CAMTA1: variants seen among roughly 807,000 people sequenced by gnomAD.
CAMTA1 encodes calmodulin binding transcription activator 1, also known as calmodulin-binding transcription activator 1.
Under a neutral mutation model 170.9 loss-of-function variants are expected in CAMTA1, and 27 were observed. The observed-to-expected ratio is 0.16, with a 90% CI of 0.12 to 0.22. CAMTA1 has a LOEUF of 0.22. Among genes scored for constraint, CAMTA1 ranks in the 10% least tolerant of loss-of-function variants. The pLI is 1.00. For synonymous variants in CAMTA1, 833 were observed against 891.5 expected (o/e 0.93, Z 1.17); for missense variants, 1,619 against 2,217.2 (o/e 0.73, Z 5.42).
intron 3 of CAMTA1, among the ~76,000 whole-genome samples, chr1:7,009,501 A>G (rs1699487078): frequency 6.6e-6 from 1 of 152,172 alleles, no homozygotes; most frequent in South Asian, 2.1e-4. Context: ...CATCTGATGC[A>G]TCTGCACTGC....
chr1:6,959,515 T>C (rs1200464967), intron 3 of CAMTA1, among the ~76,000 whole-genome samples: 6 of 152,074 alleles, frequency 3.9e-5, no homozygotes, highest in Non-Finnish European at 7.4e-5. Flanking sequence ...CAGGGGATGG[T>C]GGGGCCGCAA....
At chr1:7,574,839 T>C (rs1183105706) in intron 6 of CAMTA1, among the ~76,000 whole-genome samples, 3 of 152,172 alleles carry the variant, frequency 2.0e-5, no homozygotes, top group African/African-American at 7.2e-5. Flanking sequence ...ACCTGCCAGT[T>C]TCATTTTGCA....
intron 6 of CAMTA1, among the ~76,000 whole-genome samples, chr1:7,605,872 G>A (rs543572453): frequency 9.7e-4 from 148 of 152,328 alleles, no homozygotes; most frequent in African/African-American, 3.5e-3. Flanking sequence ...GACCATCACT[G>A]TGACCGCCAG....
At chr1:7,528,557 T>C (rs1292818922) in intron 6 of CAMTA1, among the ~76,000 whole-genome samples, 1 of 152,094 alleles carries the variant, frequency 6.6e-6, no homozygotes, top group African/African-American at 2.4e-5. Context: ...TGACTTTTGC[T>C]GTCAGCGTCT....
At chr1:7,218,921 G>A (rs1660234546) in intron 4 of CAMTA1, among the ~76,000 whole-genome samples, 2 of 152,114 alleles carry the variant, frequency 1.3e-5, no homozygotes, top group Non-Finnish European at 2.9e-5. Context: ...GATGCGTTGG[G>A]AGATTTGAGT....
At chr1:6,950,779 AG>A (rs1688351679) in intron 3 of CAMTA1, among the ~76,000 whole-genome samples, 1 of 151,360 alleles carries the variant, frequency 6.6e-6, no homozygotes, top group Non-Finnish European at 1.5e-5. Flanking sequence ...ACCACAAAGC[AG>A]GGAGAACAGG....
At position 7,534,414 on chromosome 1, in the gene CAMTA1, A is replaced by G. The variant is rs1487327803; in HGVS notation, c.510+66513A>G. Among the ~76,000 whole-genome samples, 1 of 152,146 alleles carries G rather than the reference A, an allele frequency of 6.6e-6. No individual in the cohort carries two copies. Among genetic ancestry groups the G allele is most frequent in the Non-Finnish European group, 1.5e-5 (1 of 68,026 alleles). ...AGAGCTTGCTGCAGACCCGGGGAGG[A>G]GAAGCCACTGTGGATGGAGTGTTAT... On this transcript the variant is annotated intron_variant, in intron 6 of 22. Transcript: ENST00000303635. The surrounding 1 kb of genome is among the most constrained non-coding windows in gnomAD (Gnocchi z 5.6).
rs1233691695 is a variant in CAMTA1 at position 7,146,956 on chromosome 1, A to C, written c.302+55585A>C. ...CCATGTTCACACACATCACACATTC[A>C]AACATATGCCGTGCACACACACAGA... On this transcript the variant is annotated intron_variant, in intron 4 of 22. Transcript: ENST00000303635. This position sits in a 1 kb window ranked among gnomAD's most constrained non-coding sequence, Gnocchi z 4.3. 6.6e-6 allele frequency among the ~76,000 whole-genome samples: 1 copy of C among 151,800 alleles called. No individual in the cohort carries two copies. The highest frequency in any genetic ancestry group is 2.4e-5 in the African/African-American group (1 of 41,282).
chr1:6,957,004 C>T (rs962117493), intron 3 of CAMTA1, among the ~76,000 whole-genome samples: 2 of 152,178 alleles, frequency 1.3e-5, no homozygotes, highest in African/African-American at 4.8e-5. Context: ...GGCTGCGAGG[C>T]CTGCCCTTCT....
intron 5 of CAMTA1, among the ~76,000 whole-genome samples, chr1:7,307,148 A>G (rs1436874801): frequency 5.3e-5 from 8 of 152,132 alleles, no homozygotes; most frequent in South Asian, 4.1e-4. Context: ...AATTTTCAGC[A>G]TATAGATGCT....
In CAMTA1 at chr1:6,987,776, G is replaced by A. The variant is rs540385097; in HGVS notation, c.235-103528G>A. On this transcript the variant is annotated intron_variant, in intron 3 of 22. Coordinates refer to ENST00000303635, the MANE Select transcript of CAMTA1 (RefSeq NM_015215.4). ...CCTGTAGGTCGTTGAGGAAAGGGCC[G>A]CTTTGCTTTTGGTCCCGGGAATCCA... is the stretch of plus-strand genomic sequence containing the variant. 1.1e-4 allele frequency among the ~76,000 whole-genome samples: 17 copies of A among 152,290 alleles called. No homozygotes were observed. In the East Asian group the frequency reaches 1.2e-3, roughly 10 times the overall value.
chr1:7,742,169 C>T (rs1325844175), intron 16 of CAMTA1, among the ~76,000 whole-genome samples: 1 of 151,630 alleles, frequency 6.6e-6, no homozygotes, highest in Non-Finnish European at 1.5e-5. Context: ...GAAGATATGA[C>T]AGTTATAAAC....
At chr1:6,935,403 C>T (rs951917694) in intron 3 of CAMTA1, among the ~76,000 whole-genome samples, 4 of 152,118 alleles carry the variant, frequency 2.6e-5, no homozygotes, top group African/African-American at 2.4e-5. Context: ...AAAAAAATGA[C>T]GGATGATGAA....
chr1:6,987,543 T>A (rs1695566630), intron 3 of CAMTA1, among the ~76,000 whole-genome samples: 1 of 152,210 alleles, frequency 6.6e-6, no homozygotes, highest in African/African-American at 2.4e-5. Context: ...TAGTGTCCAG[T>A]CCAGGTTGAG....
intron 3 of CAMTA1, among the ~76,000 whole-genome samples, chr1:6,944,811 A>G (rs770555828): frequency 7.2e-5 from 11 of 152,244 alleles, no homozygotes; most frequent in Middle Eastern, 3.2e-3. Flanking sequence ...ATACGCATTC[A>G]GTAGAAACCA....
In CAMTA1 at chr1:7,685,168, A is replaced by G. The variant is rs1168126795; in HGVS notation, c.2914+7435A>G. On this transcript the variant is annotated intron_variant, in intron 11 of 22. Transcript: ENST00000303635. The surrounding 1 kb of genome is among the most constrained non-coding windows in gnomAD (Gnocchi z 5.7). Reference sequence around the variant, plus strand: ...AGTTCGCAGGCACCGTCCTGAGGTCACAGGTGGTGTGTTTTAAGGAGCATC... The same window carrying G: ...AGTTCGCAGGCACCGTCCTGAGGTCGCAGGTGGTGTGTTTTAAGGAGCATC... 1.3e-5 allele frequency among the ~76,000 whole-genome samples: 2 copies of G among 152,140 alleles called. No homozygotes were observed. The highest frequency in any genetic ancestry group is 2.9e-5 in the Non-Finnish European group (2 of 68,020).
At chr1:6,842,700 T>G (rs146981992) in intron 3 of CAMTA1, among the ~76,000 whole-genome samples, 2,736 of 152,252 alleles carry the variant, frequency 0.018, 43 homozygotes, top group Non-Finnish European at 0.026. Context: ...GGCAGGTGGA[T>G]CACCTGAGGT....
rs529752154 is a variant in CAMTA1, at chr1:7,498,193, T to TGA, written c.510+30293_510+30294insAG. On this transcript the variant is annotated intron_variant, in intron 6 of 22. Transcript: ENST00000303635. ...GTGCATGTGTGTGTATGAGAGTGAG[T>TGA]GTGTGTGTGTGTGACAGTGTGGATG... Among the ~76,000 whole-genome samples the TGA allele has an allele frequency of 3.6e-3, 532 of 147,928 alleles. 3 individuals carry two copies. The highest frequency in any genetic ancestry group is 0.011 in the South Asian group (50 of 4,658).
At chr1:6,908,715 G>A (rs946864367) in intron 3 of CAMTA1, among the ~76,000 whole-genome samples, 1 of 152,204 alleles carries the variant, frequency 6.6e-6, no homozygotes, top group African/African-American at 2.4e-5. Flanking sequence ...TGAGACTCTG[G>A]GGTTATGGCA....
Sources: allele counts gnomAD v4.1 joint callset (sites outside exome capture counted in the v4.1 genomes callset), GRCh38; gene constraint gnomAD v4.1.1; non-coding constraint Gnocchi (gnomAD v3.1); transcripts MANE v1.5; gene names NCBI Gene and HGNC (gene_info 2026-07-23, HGNC 2026-07-21).